Variants in CCDC30 observed in about 807,000 individuals in gnomAD.
The protein encoded by CCDC30 is coiled-coil domain-containing protein 30.
Under a neutral mutation model 100.2 loss-of-function variants are expected in CCDC30, and 70 were observed. The observed-to-expected ratio is 0.70, with a 90% CI of 0.58 to 0.85. The LOEUF (loss-of-function observed/expected upper bound fraction) is 0.85, where lower values mean the gene tolerates loss of function less well. Among genes scored for constraint, CCDC30 ranks in the 40% least tolerant of loss-of-function variants. The probability of loss-of-function intolerance (pLI) is 0.00; values close to 1 mark genes in which losing one functional copy is unlikely to be tolerated. For missense variants in CCDC30, 652 were observed against 771.2 expected, an observed-to-expected ratio of 0.85 and a Z score of 1.83; for synonymous variants, 233 against 269.5, an observed-to-expected ratio of 0.86 and a Z score of 1.33.
At chr1:42,457,257 G>A in the CCDC30 span, 971 of 1,614,144 alleles carry the variant, frequency 6.0e-4, 3 homozygotes, top group Non-Finnish European at 6.7e-4. Context: ...GCCCTTCTGC[G>A]ATGTTTTACC....
chr1:42,606,705 T>A (rs1646509489), intron 10 of CCDC30, among the ~76,000 whole-genome samples: 1 of 152,158 alleles, frequency 6.6e-6, no homozygotes, highest in African/African-American at 2.4e-5. Context: ...AACCTTAAAT[T>A]ACAGCATGGG....
intron 10 of CCDC30, 152 bp from the exon 15 acceptor site, chr1:42,610,826 T>C: frequency 2.0e-6 from 1 of 512,732 alleles, no homozygotes; most frequent in Non-Finnish European, 3.4e-6. Context: ...TCAGAAAATC[T>C]GGAAGTACAG....
intron 6 of CCDC30, among the ~76,000 whole-genome samples, chr1:42,524,863 T>A (rs929942064): frequency 6.6e-6 from 1 of 152,240 alleles, no homozygotes; most frequent in African/African-American, 2.4e-5. Context: ...GATTATTGTT[T>A]AGGTGGAGAG....
chr1:42,656,998 CCCTTT>C (rs959579512), downstream of CCDC30, among the ~76,000 whole-genome samples: 3 of 152,156 alleles, frequency 2.0e-5, no homozygotes, highest in African/African-American at 7.2e-5. Flanking sequence ...CCCCCTCCTC[CCCTTT>C]CTTCTTTTTC....
chr1:42,653,782 T>C (rs747834908), intron 16 of CCDC30, 36 bp from the exon 21 acceptor site: 88 of 1,517,054 alleles, frequency 5.8e-5, no homozygotes, highest in Non-Finnish European at 7.5e-5. Flanking sequence ...CAACAAACTC[T>C]ATGTACATGA....
intron 10 of CCDC30, chr1:42,593,463 G>T (rs953826468): frequency 1.3e-5 from 2 of 152,120 alleles, no homozygotes; most frequent in Non-Finnish European, 2.9e-5. Context: ...CCTAAACCCT[G>T]TCCTTTTGGG....
intron 6 of CCDC30, among the ~76,000 whole-genome samples, chr1:42,535,513 G>A (rs774484623): frequency 1.4e-3 from 215 of 149,660 alleles, no homozygotes; most frequent in Non-Finnish European, 1.8e-3. Context: ...GCTGCTTCCT[G>A]ACTGGCCAAA....
intron 6 of CCDC30, among the ~76,000 whole-genome samples, chr1:42,543,026 G>A (rs1401036943): frequency 6.6e-6 from 1 of 152,074 alleles, no homozygotes; most frequent in Admixed American, 6.6e-5. Context: ...AATAATGCAA[G>A]CTCATTAATA....
chr1:42,487,295 T>C (rs1460413690), intron 3 of CCDC30, among the ~76,000 whole-genome samples: 3 of 152,254 alleles, frequency 2.0e-5, no homozygotes, highest in African/African-American at 2.4e-5. Flanking sequence ...ACTTGAAATA[T>C]GTAATTTTTA....
At position 42,596,622 on chromosome 1, in the gene CCDC30, T is replaced by C. The variant is rs575824617; in HGVS notation, c.1164+7139T>C. On this transcript the variant is annotated intron_variant, in intron 10 of 16. Coordinates refer to ENST00000668663, the Ensembl canonical transcript of CCDC30. The surrounding 1 kb of genome is among the most constrained non-coding windows in gnomAD (Gnocchi z 4.3). The stretch of plus-strand genomic sequence containing the variant: ...TCATAGAGCTATAGAATGCCACCCA[T>C]CCACCCCAACACTTCACCACCACAT... 6.6e-6 allele frequency among the ~76,000 whole-genome samples: 1 copy of C among 151,902 alleles called. No homozygotes were observed. The highest frequency in any genetic ancestry group is 6.6e-5 in the Admixed American group (1 of 15,226).
intron 10 of CCDC30, chr1:42,592,753 A>G (rs1646211575): frequency 6.6e-6 from 1 of 152,114 alleles, no homozygotes; most frequent in African/African-American, 2.4e-5. Context: ...ATATAAATAA[A>G]TAAAGTATAT....
At chr1:42,548,589 G>A (rs1256708757) in intron 6 of CCDC30, among the ~76,000 whole-genome samples, 1 of 152,116 alleles carries the variant, frequency 6.6e-6, no homozygotes, top group East Asian at 1.9e-4. Flanking sequence ...GGAAAAGCTG[G>A]AATGCAATAT....
chr1:42,467,115 T>A (rs749176571), intron 1 of CCDC30, among the ~76,000 whole-genome samples: 13 of 152,178 alleles, frequency 8.5e-5, no homozygotes, highest in Non-Finnish European at 1.8e-4. Flanking sequence ...CATGAATGGC[T>A]AATGTCAAGG....
chr1:42,642,069 CA>C (rs1247891898), intron 12 of CCDC30, among the ~76,000 whole-genome samples: 20 of 151,936 alleles, frequency 1.3e-4, no homozygotes, highest in African/African-American at 4.3e-4. Flanking sequence ...ACTAAAAATA[CA>C]AAAAACTTAG....
At chr1:42,642,245 A>C (rs1308383074) in intron 12 of CCDC30, among the ~76,000 whole-genome samples, 3 of 150,130 alleles carry the variant, frequency 2.0e-5, no homozygotes, top group African/African-American at 5.0e-5. Flanking sequence ...ACAAACAAAA[A>C]AATATATATA....
At chr1:42,523,514 A>G (rs1470988340) in intron 6 of CCDC30, among the ~76,000 whole-genome samples, 3 of 148,512 alleles carry the variant, frequency 2.0e-5, no homozygotes, top group Admixed American at 2.0e-4. Flanking sequence ...TGCTTTCAAC[A>G]TTTTCTTTTG....
At chr1:42,602,659 TA>T (rs1171246189) in intron 10 of CCDC30, among the ~76,000 whole-genome samples, 2 of 152,186 alleles carry the variant, frequency 1.3e-5, no homozygotes, top group Non-Finnish European at 1.5e-5. Context: ...ACTAACCTTC[TA>T]AAACAGAAAG....
intron 6 of CCDC30, among the ~76,000 whole-genome samples, chr1:42,565,466 G>A (rs1398229762): frequency 6.6e-6 from 1 of 152,164 alleles, no homozygotes; most frequent in African/African-American, 2.4e-5. Context: ...TTAGGGAAAT[G>A]CAAATTAAAA....
At chr1:42,627,867 C>T (rs1341916467) in intron 11 of CCDC30, among the ~76,000 whole-genome samples, 1 of 152,230 alleles carries the variant, frequency 6.6e-6, no homozygotes, top group Admixed American at 6.5e-5. Context: ...GGAACTTCTG[C>T]TAGGGCAGTG....
Sources: allele counts gnomAD v4.1 joint callset (sites outside exome capture counted in the v4.1 genomes callset), GRCh38; gene constraint gnomAD v4.1.1; non-coding constraint Gnocchi (gnomAD v3.1); transcripts MANE v1.5; gene names NCBI Gene and HGNC (gene_info 2026-07-23, HGNC 2026-07-21).